Variants in USP9X observed in about 807,000 individuals in gnomAD.
The protein encoded by USP9X is ubiquitin carboxyl-terminal hydrolase 9X.
Under a neutral mutation model 190.3 loss-of-function variants are expected in USP9X, and 7 were observed. The observed-to-expected ratio is 0.04, with a 90% CI of 0.02 to 0.07. The LOEUF (loss-of-function observed/expected upper bound fraction) is 0.07. Among genes scored for constraint, USP9X ranks in the 10% least tolerant of loss-of-function variants. The pLI is 1.00. For synonymous variants in USP9X, 645 were observed against 659.5 expected (o/e 0.98, Z 0.34); for missense variants, 1,010 against 1,916.9 (o/e 0.53, Z 8.83).
intron 26 of USP9X, among the ~76,000 whole-genome samples, chrX:41,194,169 T>C (rs985204160): frequency 1.8e-5 from 2 of 111,820 alleles, no homozygotes; most frequent in Non-Finnish European, 3.8e-5. Flanking sequence ...TATAGGCCTA[T>C]GGACTGTTTT....
At chrX:41,175,861 T>C (rs980582868) in intron 21 of USP9X, among the ~76,000 whole-genome samples, 1 of 110,820 alleles carries the variant, frequency 9.0e-6, no homozygotes, top group Non-Finnish European at 1.9e-5. Flanking sequence ...CCTATCACAG[T>C]TTCATTCTAG....
chrX:41,199,460 G>A (rs2063020979), intron 30 of USP9X, among the ~76,000 whole-genome samples: 1 of 110,981 alleles, frequency 9.0e-6, no homozygotes, highest in African/African-American at 3.3e-5. Context: ...CCAGGCTGGA[G>A]TGCAGTGGCG....
rs746689022 is a variant in USP9X at position 41,197,389 on chromosome X, C to T, written c.4259C>T (p.Thr1420Met). Reference sequence around the variant, plus strand: ...GATGATGTTAAAAGAACAGGAGAAACGGGTATTGAAGAGACGATCTTAGAG... The same window carrying T: ...GATGATGTTAAAAGAACAGGAGAAATGGGTATTGAAGAGACGATCTTAGAG... ...IRDDVKRTGE[T>M]GIEETILEGH... Residue 1420 changes from threonine (T) to methionine (M), a missense_variant, in exon 29 of 45, where the codon ACG becomes ATG. Physicochemically the swap from Thr to Met is moderately conservative, Grantham distance 81 (BLOSUM62 -1). This residue lies in a region of USP9X where 351 missense variants were observed against 480.8 expected (regional missense o/e 0.73). Coordinates refer to ENST00000378308, the MANE Select transcript of USP9X (RefSeq NM_001039591.3). 17 of 867,009 alleles carry T rather than the reference C, an allele frequency of 2.0e-5. No homozygotes were observed. In the African/African-American group the frequency reaches 2.3e-4, roughly 12 times the overall value. 71.5% of individuals were successfully genotyped at this position (867,009 alleles called of 1,213,427 possible).
rs778672162 is a variant in USP9X, at chrX:41,230,515, A to G, written c.7446A>G (p.Gln2482=). The G allele has an allele frequency of 1.7e-6, 2 of 1,208,224 alleles. No homozygotes were observed. The highest frequency in any genetic ancestry group is 3.5e-5 in the African/African-American group (2 of 57,035). The change falls in exon 44 of 45, where the codon CAA becomes CAG. Residue 2482 remains glutamine, a synonymous_variant. Transcript: ENST00000378308. ...ELCPEEEPDD[Q]DAPDEHESPP... ...TTCAAAATTAGGAGCCAGATGACCA[A>G]GATGCTCCAGATGAACATGAGTCGC...
Position 41,187,978 on chromosome X carries a change from TC to T in USP9X, c.3685-13del, listed in dbSNP as rs1464585556. The T allele has an allele frequency of 8.3e-7, 1 of 1,201,497 alleles. No individual in the cohort carries two copies. The highest frequency in any genetic ancestry group is 3.0e-5 in the East Asian group (1 of 33,778). On this transcript the variant is annotated splice_polypyrimidine_tract_variant and intron_variant, in intron 24 of 44. Transcript: ENST00000378308. ...TCATTCTATCAACAGTTCTATTTAC[TC>T]GTTATCTTGCAGGCTTCAAGATATA...
At chrX:41,142,018 G>A (rs1414863682) in intron 9 of USP9X, among the ~76,000 whole-genome samples, 1 of 111,530 alleles carries the variant, frequency 9.0e-6, no homozygotes, top group Non-Finnish European at 1.9e-5. Flanking sequence ...ATGTATATGT[G>A]TAACAGTCCT....
intron 13 of USP9X, among the ~76,000 whole-genome samples, chrX:41,152,414 A>G (rs990079726): frequency 8.9e-6 from 1 of 111,791 alleles, no homozygotes; most frequent in Non-Finnish European, 1.9e-5. Flanking sequence ...CAGTGAAGGT[A>G]GCAAAACAGA....
chrX:41,212,576 T>C (rs1184023178), intron 33 of USP9X, among the ~76,000 whole-genome samples: 2 of 111,932 alleles, frequency 1.8e-5, no homozygotes, highest in East Asian at 5.6e-4. Flanking sequence ...TAGAAATAGT[T>C]AATGAGTTCA....
At chrX:41,098,171 C>T (rs768613272) in intron 1 of USP9X, among the ~76,000 whole-genome samples, 45 of 102,900 alleles carry the variant, frequency 4.4e-4, no homozygotes, top group African/African-American at 1.5e-3. Flanking sequence ...GATGGAGTCT[C>T]GCTCTGTTGC....
At chrX:41,165,383 A>G (rs930252382) in intron 15 of USP9X, among the ~76,000 whole-genome samples, 1 of 110,976 alleles carries the variant, frequency 9.0e-6, no homozygotes, top group African/African-American at 3.3e-5. Context: ...GAGCCACCAC[A>G]CCCGGCTAAT....
At chrX:41,208,742 C>T (rs746724974) in intron 32 of USP9X, among the ~76,000 whole-genome samples, 5 of 109,877 alleles carry the variant, frequency 4.6e-5, no homozygotes, top group Non-Finnish European at 9.5e-5. Context: ...GAGTCTCGCT[C>T]TGTCGCCCAG....
chrX:41,088,926 A>G (rs2061933030), intron 1 of USP9X, among the ~76,000 whole-genome samples: 1 of 111,295 alleles, frequency 9.0e-6, no homozygotes, highest in African/African-American at 3.3e-5. Flanking sequence ...ATTGGACCTC[A>G]ACCCTGACTG....
At chrX:41,138,562 C>T (rs749937398) in intron 6 of USP9X, among the ~76,000 whole-genome samples, 34 of 111,661 alleles carry the variant, frequency 3.0e-4, no homozygotes, top group Non-Finnish European at 6.0e-4. Flanking sequence ...GTCTTCTGTT[C>T]TACTTCAAAT....
chrX:41,108,250 TTG>T (rs1396197184), intron 1 of USP9X, among the ~76,000 whole-genome samples: 1 of 111,727 alleles, frequency 9.0e-6, no homozygotes, highest in African/African-American at 3.3e-5. Flanking sequence ...TAGCAAGGCT[TTG>T]TGAGTTTCTG....
chrX:41,108,839 C>T (rs1031098398), intron 1 of USP9X, among the ~76,000 whole-genome samples: 2 of 111,250 alleles, frequency 1.8e-5, no homozygotes, highest in Admixed American at 9.6e-5. Flanking sequence ...ATTAGGACCA[C>T]GCTTTTCTTG....
At chrX:41,108,820 G>T (rs1362269870) in intron 1 of USP9X, among the ~76,000 whole-genome samples, 1 of 111,286 alleles carries the variant, frequency 9.0e-6, no homozygotes, top group Non-Finnish European at 1.9e-5. Flanking sequence ...GTGAGGTGGG[G>T]TGGGGGCCAT....
chrX:41,095,014 A>G (rs2061979333), intron 1 of USP9X, among the ~76,000 whole-genome samples: 1 of 108,155 alleles, frequency 9.2e-6, no homozygotes, highest in Admixed American at 9.9e-5. Context: ...CACTCCGTCT[A>G]GCCTGGGTGA....
At chrX:41,101,679 A>G (rs1007718952) in intron 1 of USP9X, among the ~76,000 whole-genome samples, 1 of 110,983 alleles carries the variant, frequency 9.0e-6, no homozygotes, top group African/African-American at 3.2e-5. Context: ...AAAAAAAATA[A>G]ATTAAAAAAA....
At position 41,207,079 on chromosome X, in the gene USP9X, C is replaced by CTT. The variant is rs34779889; in HGVS notation, c.5015+1611_5015+1612dup. Among the ~76,000 whole-genome samples, 216 of 30,515 alleles carry CTT rather than the reference C, an allele frequency of 7.1e-3. 34 individuals carry two copies. Among genetic ancestry groups the CTT allele is most frequent in the African/African-American group, 0.027 (171 of 6,256 alleles). The allele number at this position is 30,515 out of a possible 115,157, so 26.5% of individuals were successfully genotyped here. A position where few individuals can be genotyped will look rare whatever the true frequency, so the allele number is the denominator to read the frequency against. ...TAGGCATGAGCTACTGCTCCCTGGC[C>CTT]TTTTTTTTTTTTTTTTTTTTTTTTT... On this transcript the variant is annotated intron_variant, in intron 32 of 44. Transcript: ENST00000378308.
Sources: allele counts gnomAD v4.1 joint callset (sites outside exome capture counted in the v4.1 genomes callset), GRCh38; gene constraint gnomAD v4.1.1; regional missense constraint gnomAD v4.1.1; transcripts MANE v1.5; gene names NCBI Gene and HGNC (gene_info 2026-07-23, HGNC 2026-07-21).